SCHIP1: variants seen among roughly 807,000 people sequenced by gnomAD.
The protein encoded by SCHIP1 is schwannomin interacting protein 1.
Under a neutral mutation model 29.7 loss-of-function variants are expected in SCHIP1, and 8 were observed. That is an observed-to-expected ratio of 0.27 (90% CI 0.16 to 0.49). The LOEUF is 0.49. Ranked by LOEUF, SCHIP1 falls within the 20% of genes least tolerant of loss-of-function variation. The pLI is 0.99. For synonymous variants in SCHIP1, 76 were observed against 94.9 expected (o/e 0.80, Z 1.16); for missense variants, 193 against 294.6 (o/e 0.66, Z 2.52).
the SCHIP1 span, among the ~76,000 whole-genome samples, chr3:159,727,506 A>G: frequency 6.6e-6 from 1 of 152,212 alleles, no homozygotes; most frequent in African/African-American, 2.4e-5. Context: ...ATAAACTCGC[A>G]AGGGTTGGAA....
the SCHIP1 span, chr3:159,764,725 C>A: frequency 6.4e-7 from 1 of 1,573,746 alleles, no homozygotes; most frequent in Non-Finnish European, 8.6e-7. The surrounding 1 kb of genome is among the most constrained non-coding windows in gnomAD (Gnocchi z 6.1). Flanking sequence ...CCGGGATGAC[C>A]GCTCTCCGGC....
At chr3:159,869,224 A>G (rs1714974403) in intron 2 of SCHIP1, among the ~76,000 whole-genome samples, 1 of 151,984 alleles carries the variant, frequency 6.6e-6, no homozygotes. Flanking sequence ...TTTTATGACC[A>G]GAAGTTCTGA....
chr3:159,274,479 C>A, the SCHIP1 span: 1 of 720,442 alleles, frequency 1.4e-6, no homozygotes, highest in Non-Finnish European at 1.7e-6. Context: ...TATATATGGG[C>A]TATTGAAATA....
chr3:159,833,955 G>A, the SCHIP1 span, among the ~76,000 whole-genome samples: 1 of 151,972 alleles, frequency 6.6e-6, no homozygotes. Flanking sequence ...TGGTGTCTTG[G>A]GATGCATCCC....
chr3:159,426,283 G>C, the SCHIP1 span, among the ~76,000 whole-genome samples: 25,699 of 151,946 alleles, frequency 0.17, 2,520 homozygotes, highest in South Asian at 0.39. Context: ...AGATAGACCA[G>C]TAGCAAGACT....
At chr3:159,372,862 C>T in the SCHIP1 span, among the ~76,000 whole-genome samples, 2 of 152,044 alleles carry the variant, frequency 1.3e-5, no homozygotes, top group African/African-American at 4.8e-5. Context: ...CAGCTGCTTT[C>T]ATTACAACAG....
the SCHIP1 span, among the ~76,000 whole-genome samples, chr3:159,358,967 T>C: frequency 1.4e-5 from 2 of 144,656 alleles, 1 homozygote; most frequent in South Asian, 4.5e-4. Flanking sequence ...CTTGCTCTGT[T>C]GCCAGGCTGG....
At chr3:159,856,570 G>A (rs1477071364) in intron 1 of SCHIP1, among the ~76,000 whole-genome samples, 1 of 152,240 alleles carries the variant, frequency 6.6e-6, no homozygotes, top group African/African-American at 2.4e-5. Flanking sequence ...TTCCAGAGCA[G>A]AGAAAATGCA....
the SCHIP1 span, among the ~76,000 whole-genome samples, chr3:159,319,624 C>G: frequency 2.0e-5 from 3 of 152,134 alleles, no homozygotes; most frequent in Non-Finnish European, 4.4e-5. Context: ...GAAACATTTT[C>G]TTGGGCAGTG....
the SCHIP1 span, among the ~76,000 whole-genome samples, chr3:159,738,305 T>A: frequency 7.0e-4 from 107 of 152,000 alleles, no homozygotes; most frequent in African/African-American, 2.5e-3. Context: ...GTAACCAACA[T>A]AAGCATGTTG....
the SCHIP1 span, among the ~76,000 whole-genome samples, chr3:159,834,678 G>A: frequency 6.6e-6 from 1 of 152,160 alleles, no homozygotes; most frequent in East Asian, 1.9e-4. Context: ...AATTTTTTGA[G>A]TATTGACATG....
At chr3:159,803,256 A>G in the SCHIP1 span, among the ~76,000 whole-genome samples, 2 of 152,292 alleles carry the variant, frequency 1.3e-5, no homozygotes, top group South Asian at 4.1e-4. Flanking sequence ...TTGGGGAAAG[A>G]CTAATAAAGT....
the SCHIP1 span, among the ~76,000 whole-genome samples, chr3:159,494,476 C>T: frequency 7.2e-5 from 11 of 152,288 alleles, no homozygotes; most frequent in Admixed American, 4.6e-4. Flanking sequence ...CTATAAACAC[C>T]TCTACGCAAA....
intron 1 of SCHIP1, among the ~76,000 whole-genome samples, chr3:159,841,205 G>A (rs1001890401): frequency 1.3e-5 from 2 of 152,174 alleles, no homozygotes; most frequent in African/African-American, 4.8e-5. Context: ...AGGCAAAATA[G>A]TACATTTCAC....
At chr3:159,381,382 G>A in the SCHIP1 span, among the ~76,000 whole-genome samples, 1 of 152,044 alleles carries the variant, frequency 6.6e-6, no homozygotes, top group Admixed American at 6.5e-5. Flanking sequence ...ATTTACAATA[G>A]ATTTGCATTG....
chr3:159,611,150 T>G, the SCHIP1 span, among the ~76,000 whole-genome samples: 1 of 152,164 alleles, frequency 6.6e-6, no homozygotes, highest in Admixed American at 6.5e-5. Context: ...AAAATGCTTC[T>G]TCCTATTACA....
chr3:159,346,792 A>G, the SCHIP1 span, among the ~76,000 whole-genome samples: 1 of 152,312 alleles, frequency 6.6e-6, no homozygotes, highest in East Asian at 1.9e-4. Flanking sequence ...GGCATAAACA[A>G]GACTTTTTTG....
chr3:159,524,043 T>C, the SCHIP1 span, among the ~76,000 whole-genome samples: 2 of 152,324 alleles, frequency 1.3e-5, no homozygotes, highest in Non-Finnish European at 2.9e-5. Context: ...TTACAAAACT[T>C]TTGATTCCTG....
the SCHIP1 span, among the ~76,000 whole-genome samples, chr3:159,619,361 G>A: frequency 1.4e-4 from 22 of 152,276 alleles, no homozygotes; most frequent in Non-Finnish European, 2.5e-4. Flanking sequence ...AGCTGCAGAC[G>A]TGCATGCCTG....
Sources: allele counts gnomAD v4.1 joint callset (sites outside exome capture counted in the v4.1 genomes callset), GRCh38; gene constraint gnomAD v4.1.1; non-coding constraint Gnocchi (gnomAD v3.1); transcripts MANE v1.5; gene names NCBI Gene and HGNC (gene_info 2026-07-23, HGNC 2026-07-21).